The following NRCAM variants were observed in gnomAD, a reference collection of about 807,000 sequenced individuals.
NRCAM encodes the protein neuronal cell adhesion molecule.
Under a neutral mutation model 156.5 loss-of-function variants are expected in NRCAM, and 83 were observed. That is an observed-to-expected ratio of 0.53 (90% CI 0.44 to 0.64). The LOEUF (loss-of-function observed/expected upper bound fraction) is 0.64, where lower values mean the gene tolerates loss of function less well. NRCAM is among the 30% of genes least tolerant of loss of function. The pLI is 0.00. For synonymous variants in NRCAM, 538 were observed against 563.9 expected (o/e 0.95, Z 0.65); for missense variants, 1,417 against 1,597.3 (o/e 0.89, Z 1.92).
intron 1 of NRCAM, among the ~76,000 whole-genome samples, chr7:108,417,827 A>G (rs531152550): frequency 3.9e-5 from 6 of 152,162 alleles, no homozygotes; most frequent in South Asian, 2.1e-4. Flanking sequence ...GTTAAATACC[A>G]CTCACGGACA....
At position 108,312,723 on chromosome 7, in the gene NRCAM, A is replaced by G. The variant is rs1441323344; in HGVS notation, c.-165T>C. On this transcript the variant is annotated 5_prime_UTR_variant, in exon 3 of 33. Coordinates refer to ENST00000379028, the MANE Select transcript of NRCAM (RefSeq NM_001037132.4). ...AATTCTTTAAACCAAACGTCTTCTT[A>G]GCATTGCTCTGTGGGTTAAAAAATG... The G allele has an allele frequency of 6.6e-6, 1 of 152,236 alleles. No homozygotes were observed. Among genetic ancestry groups the G allele is most frequent in the African/African-American group, 2.4e-5 (1 of 41,474 alleles). 9.4% of individuals were successfully genotyped at this position (152,236 alleles called of 1,614,324 possible).
intron 2 of NRCAM, among the ~76,000 whole-genome samples, chr7:108,336,876 T>C (rs1017409586): frequency 1.3e-5 from 2 of 152,170 alleles, no homozygotes; most frequent in African/African-American, 4.8e-5. Flanking sequence ...TTAAGATAAC[T>C]AGATAAGATA....
chr7:108,369,494 C>T (rs2099615021), intron 2 of NRCAM, among the ~76,000 whole-genome samples: 1 of 152,024 alleles, frequency 6.6e-6, no homozygotes, highest in Admixed American at 6.6e-5. Context: ...TAAAGAGAAA[C>T]CAGCAGATGT....
chr7:108,284,172 T>C (rs1212142657), intron 3 of NRCAM, among the ~76,000 whole-genome samples: 1 of 152,116 alleles, frequency 6.6e-6, no homozygotes, highest in Non-Finnish European at 1.5e-5. Context: ...GTCCGAAAAT[T>C]CTATTCTACT....
intron 2 of NRCAM, among the ~76,000 whole-genome samples, chr7:108,339,134 C>G (rs73418501): frequency 0.037 from 5,597 of 152,262 alleles, 368 homozygotes; most frequent in African/African-American, 0.13. Flanking sequence ...ATTCCCTTAA[C>G]CCAGAAGATT....
chr7:108,200,466 C>T (rs1038500879), intron 13 of NRCAM, among the ~76,000 whole-genome samples: 3 of 152,094 alleles, frequency 2.0e-5, no homozygotes, highest in Non-Finnish European at 2.9e-5. Flanking sequence ...TGCAGTGTAA[C>T]TTAGGGCAGC....
intron 32 of NRCAM, among the ~76,000 whole-genome samples, chr7:108,157,097 G>GA (rs1295447791): frequency 1.3e-5 from 2 of 152,032 alleles, no homozygotes; most frequent in African/African-American, 2.4e-5. Context: ...TAGTTTCATT[G>GA]AAAAAATTAC....
chr7:108,301,502 A>G (rs1429450915), intron 3 of NRCAM, among the ~76,000 whole-genome samples: 1 of 152,208 alleles, frequency 6.6e-6, no homozygotes, highest in Non-Finnish European at 1.5e-5. Context: ...CTACAGAAGA[A>G]AACAGGCAGG....
At chr7:108,347,340 T>C (rs911931458) in intron 2 of NRCAM, among the ~76,000 whole-genome samples, 5 of 152,206 alleles carry the variant, frequency 3.3e-5, no homozygotes, top group African/African-American at 1.2e-4. Flanking sequence ...CCGGCTTATA[T>C]TTCTGTTAGA....
intron 2 of NRCAM, among the ~76,000 whole-genome samples, chr7:108,366,660 G>T (rs900840894): frequency 3.3e-5 from 5 of 152,160 alleles, no homozygotes; most frequent in African/African-American, 1.2e-4. Context: ...GACTTAACAG[G>T]GTGCCTGGCA....
At chr7:108,393,546 C>T (rs2099768067) in intron 2 of NRCAM, among the ~76,000 whole-genome samples, 1 of 152,100 alleles carries the variant, frequency 6.6e-6, no homozygotes, top group Admixed American at 6.5e-5. Context: ...TGAGGTGATG[C>T]CTCACCTTGC....
intron 2 of NRCAM, among the ~76,000 whole-genome samples, chr7:108,371,842 G>A (rs2099630725): frequency 6.6e-6 from 1 of 152,016 alleles, no homozygotes; most frequent in Admixed American, 6.6e-5. Flanking sequence ...AAATCTCAAT[G>A]GCATTTTAAC....
intron 1 of NRCAM, among the ~76,000 whole-genome samples, chr7:108,440,551 CTCT>C (rs1387554038): frequency 6.6e-6 from 1 of 152,138 alleles, no homozygotes; most frequent in Non-Finnish European, 1.5e-5. Flanking sequence ...GGTTTTACTC[CTCT>C]GTCAGCTTTC....
intron 2 of NRCAM, among the ~76,000 whole-genome samples, chr7:108,346,119 C>T (rs2099352064): frequency 6.6e-6 from 1 of 152,126 alleles, no homozygotes; most frequent in South Asian, 2.1e-4. Flanking sequence ...TCAAGGCAGG[C>T]AGTGGGGGTG....
Position 108,231,163 on chromosome 7 carries a change from A to G in NRCAM, c.428-10T>C. The stretch of plus-strand genomic sequence containing the variant: ...GTCCACAATGGTGATCCTATTAAAT[A>G]AAAAAATAACTTCTCAGTTATTTCT... On this transcript the variant is annotated splice_polypyrimidine_tract_variant and intron_variant, in intron 7 of 32. Transcript: ENST00000379028. 6.4e-7 allele frequency: 1 copy of G among 1,562,266 alleles called. No individual in the cohort carries two copies. The highest frequency in any genetic ancestry group is 8.6e-7 in the Non-Finnish European group (1 of 1,161,742).
chr7:108,289,492 AT>A (rs149176328), intron 3 of NRCAM, among the ~76,000 whole-genome samples: 1,856 of 152,232 alleles, frequency 0.012, 33 homozygotes, highest in African/African-American at 0.042. Context: ...TGTTCCTCCC[AT>A]CTAGCTAAAA....
intron 11 of NRCAM, among the ~76,000 whole-genome samples, chr7:108,215,645 C>T (rs1322876849): frequency 2.0e-5 from 3 of 152,040 alleles, no homozygotes; most frequent in East Asian, 3.9e-4. Context: ...TTGCATTGAT[C>T]CCTTTACCAT....
intron 28 of NRCAM, among the ~76,000 whole-genome samples, chr7:108,173,830 T>C (rs2059455135): frequency 6.6e-6 from 1 of 152,190 alleles, no homozygotes; most frequent in Admixed American, 6.5e-5. Context: ...CAAAACTCTT[T>C]AAATATAGAA....
intron 27 of NRCAM, among the ~76,000 whole-genome samples, chr7:108,175,758 C>T (rs896763277): frequency 2.0e-5 from 3 of 151,970 alleles, no homozygotes; most frequent in South Asian, 4.1e-4. Context: ...AACTAGAAAA[C>T]CTTTTATAAT....
Sources: gnomAD v4.1 joint callset for allele counts (sites outside exome capture counted in the v4.1 genomes callset) on GRCh38, gnomAD v4.1.1 for gene constraint, MANE v1.5 for transcripts, NCBI Gene and HGNC (gene_info 2026-07-23, HGNC 2026-07-21) for gene names.